Variants in OXNAD1 observed in about 807,000 individuals in gnomAD.
The protein encoded by OXNAD1 is oxidoreductase NAD binding domain containing 1.
Under a neutral mutation model 32.9 loss-of-function variants are expected in OXNAD1, and 34 were observed. The observed-to-expected ratio is 1.03, with a 90% CI of 0.79 to 1.38. OXNAD1 has a LOEUF of 1.38. OXNAD1 is among the 40% of genes most tolerant of loss of function. The pLI is 0.00. For missense variants in OXNAD1, 407 were observed against 379.4 expected (o/e 1.07, Z -0.60); for synonymous variants, 134 against 135.2 (o/e 0.99, Z 0.06).
intron 4 of OXNAD1, among the ~76,000 whole-genome samples, chr3:16,283,184 A>G (rs531625595): frequency 6.6e-6 from 1 of 152,180 alleles, no homozygotes; most frequent in Non-Finnish European, 1.5e-5. Flanking sequence ...AATGGAAATA[A>G]GCTGATTTTG....
At chr3:16,343,279 G>A (rs1209681097) in intron 9 of OXNAD1, among the ~76,000 whole-genome samples, 1 of 152,210 alleles carries the variant, frequency 6.6e-6, no homozygotes, top group East Asian at 1.9e-4. Flanking sequence ...GCATCTGGGA[G>A]TTGACAGTCC....
Position 16,344,610 on chromosome 3 carries a change from C to G in OXNAD1, c.*31-4566C>G, listed in dbSNP as rs1161885874. ...GTGGCCTCCCAGAATCAGGTCTCTT[C>G]AGGTCCACCACCTTCTAGATCACTG... On this transcript the variant is annotated intron_variant, in intron 9 of 9. Coordinates refer to the OXNAD1 transcript ENST00000606098. The surrounding 1 kb of genome is among the most constrained non-coding windows in gnomAD (Gnocchi z 4.4). Among the ~76,000 whole-genome samples the G allele has an allele frequency of 6.6e-6, 1 of 152,126 alleles. No homozygotes were observed. Among genetic ancestry groups the G allele is most frequent in the African/African-American group, 2.4e-5 (1 of 41,420 alleles).
intron 1 of OXNAD1, among the ~76,000 whole-genome samples, chr3:16,268,249 T>C (rs761764426): frequency 2.7e-5 from 4 of 150,914 alleles, no homozygotes; most frequent in African/African-American, 9.7e-5. Flanking sequence ...TATTTACCAG[T>C]AGGTGGCACT....
chr3:16,325,852 T>TCC (rs1350269025), intron 9 of OXNAD1, among the ~76,000 whole-genome samples: 1 of 152,190 alleles, frequency 6.6e-6, no homozygotes, highest in African/African-American at 2.4e-5. Context: ...CCCCATGCTG[T>TCC]CCATCACTCT....
intron 9 of OXNAD1, among the ~76,000 whole-genome samples, chr3:16,311,583 G>C (rs2067985801): frequency 6.6e-6 from 1 of 152,166 alleles, no homozygotes; most frequent in African/African-American, 2.4e-5. Context: ...AAATGCCTTT[G>C]ATAAGGACAG....
At chr3:16,341,187 ACT>A (rs1559837653), downstream of OXNAD1, among the ~76,000 whole-genome samples, 1 of 152,156 alleles carries the variant, frequency 6.6e-6, no homozygotes, top group Non-Finnish European at 1.5e-5. The surrounding 1 kb of genome is among the most constrained non-coding windows in gnomAD (Gnocchi z 4.7). Flanking sequence ...AACAACAGCA[ACT>A]CTCGTTCACT....
At position 16,315,265 on chromosome 3, in the gene OXNAD1, G is replaced by A. The variant is rs534309225; in HGVS notation, c.*30+11673G>A. On this transcript the variant is annotated intron_variant, in intron 9 of 9. Coordinates refer to the OXNAD1 transcript ENST00000435829. ...CGAGTAGCTGAGATTACAAGCACCC[G>A]CCACCACGCCCAGCTAATTTTTGTA... Among the ~76,000 whole-genome samples, 4 of 152,170 alleles carry A rather than the reference G, an allele frequency of 2.6e-5. No homozygotes were observed. In the South Asian group the frequency reaches 6.2e-4, roughly 24 times the overall value.
intron 9 of OXNAD1, chr3:16,326,736 T>C (rs1371258099): frequency 5.5e-6 from 8 of 1,453,086 alleles, no homozygotes; most frequent in Non-Finnish European, 7.7e-6. Flanking sequence ...ACAGAGTAAG[T>C]GTTCAATAGA....
intron 5 of OXNAD1, among the ~76,000 whole-genome samples, chr3:16,292,588 G>A (rs1361942967): frequency 6.6e-6 from 1 of 152,070 alleles, no homozygotes; most frequent in Admixed American, 6.6e-5. Flanking sequence ...TTGGTTTGGG[G>A]TCATATCTAA....
chr3:16,313,202 C>T (rs1050931806), intron 9 of OXNAD1, among the ~76,000 whole-genome samples: 22 of 97,458 alleles, frequency 2.3e-4, no homozygotes, highest in East Asian at 1.0e-3. Context: ...CCACACCCAG[C>T]GGATTTTTTT....
chr3:16,338,289 C>G (rs1171881344), downstream of OXNAD1, among the ~76,000 whole-genome samples: 1 of 152,230 alleles, frequency 6.6e-6, no homozygotes, highest in African/African-American at 2.4e-5. The surrounding 1 kb of genome is among the most constrained non-coding windows in gnomAD (Gnocchi z 5.3). Flanking sequence ...AGGCATGCAA[C>G]CACGCAAGGC....
At position 16,321,033 on chromosome 3, in the gene OXNAD1, C is replaced by T. The variant is rs1032830814; in HGVS notation, c.*31-16079C>T. 8.5e-5 allele frequency among the ~76,000 whole-genome samples: 13 copies of T among 152,058 alleles called. No individual in the cohort carries two copies. The highest frequency in any genetic ancestry group is 3.1e-4 in the African/African-American group (13 of 41,400). On this transcript the variant is annotated intron_variant, in intron 9 of 9. Coordinates refer to the OXNAD1 transcript ENST00000435829. This position sits in a 1 kb window ranked among gnomAD's most constrained non-coding sequence, Gnocchi z 4.8. ...AGAAGTGGAGGGATTCCAGAGCCTC[C>T]GGGACCTAACACAGATGGGTCTTAA... is the stretch of plus-strand genomic sequence containing the variant.
In OXNAD1 at chr3:16,271,074, GA is replaced by G. The variant is rs2064897611; in HGVS notation, c.119+4del. 1 of 1,613,316 alleles carries G rather than the reference GA, an allele frequency of 6.2e-7. No homozygotes were observed. Among genetic ancestry groups the G allele is most frequent in the Admixed American group, 1.7e-5 (1 of 59,842 alleles). On this transcript the variant is annotated splice_donor_region_variant and intron_variant, in intron 3 of 8. Coordinates refer to ENST00000285083, the MANE Select transcript of OXNAD1 (RefSeq NM_138381.5). This position sits in a 1 kb window ranked among gnomAD's most constrained non-coding sequence, Gnocchi z 4.6. ...TTGCGCCACCTTACTCTAACCAGGT[GA>G]GTCATTAAGACTTCTGTGTCATTTG...
rs73818377 is a variant in OXNAD1, at chr3:16,335,796, G to A, written c.*31-1316G>A. ...AACTTTAAAAAAAAAAAAAAAAAAA[G>A]GAGTTTGATCACACCATCAAATATC... is the stretch of plus-strand genomic sequence containing the variant. On this transcript the variant is annotated intron_variant, in intron 9 of 9. Coordinates refer to the OXNAD1 transcript ENST00000435829. The surrounding 1 kb of genome is among the most constrained non-coding windows in gnomAD (Gnocchi z 4.7). Among the ~76,000 whole-genome samples, 2 of 144,402 alleles carry A rather than the reference G, an allele frequency of 1.4e-5. No homozygotes were observed. The highest frequency in any genetic ancestry group is 5.6e-5 in the African/African-American group (2 of 36,036). The allele number at this position is 144,402 out of a possible 152,430, so 94.7% of individuals were successfully genotyped here.
chr3:16,337,370 G>A (rs539606998), downstream of OXNAD1: 1 of 152,294 alleles, frequency 6.6e-6, no homozygotes, highest in Admixed American at 6.5e-5. The surrounding 1 kb of genome is among the most constrained non-coding windows in gnomAD (Gnocchi z 5.0). Flanking sequence ...AAGCTAACTG[G>A]TGTATTACTA....
rs748776322 is a variant in OXNAD1, at chr3:16,271,028, CTG to C, written c.77_78del (p.Leu26GlnfsTer23). ...AGCCATCCGTATTGAGGCTGCGTCA[CTG>C]AGATTGACACTCAGCACTTTGCGCC... The part of the protein sequence containing the change: ...VGAIRIEAAS[L>X]RLTLSTLRHL... On this transcript the variant is annotated frameshift_variant, in exon 3 of 9. Transcript: ENST00000285083. LOFTEE classifies it high-confidence loss of function. This position sits in a 1 kb window ranked among gnomAD's most constrained non-coding sequence, Gnocchi z 4.6. The C allele has an allele frequency of 6.2e-7, 1 of 1,614,206 alleles. No homozygotes were observed. The highest frequency in any genetic ancestry group is 1.3e-5 in the African/African-American group (1 of 75,056).
chr3:16,275,841 G>T, intron 4 of OXNAD1: 1 of 155,468 alleles, frequency 6.4e-6, no homozygotes. Flanking sequence ...ATGATTGGTA[G>T]TTATTTCAAG....
In OXNAD1 at chr3:16,297,842, G is replaced by A. The variant is rs1389137158; in HGVS notation, c.432+2845G>A. 5.3e-5 allele frequency among the ~76,000 whole-genome samples: 8 copies of A among 152,130 alleles called. No individual in the cohort carries two copies. Among genetic ancestry groups the A allele is most frequent in the African/African-American group, 1.2e-4 (5 of 41,412 alleles). ...TTGAGATTACTGTAAAGGTAGGATC[G>A]ATAGCACAGGGGAATATTTTCAGGG... is the stretch of plus-strand genomic sequence containing the variant. On this transcript the variant is annotated intron_variant, in intron 6 of 8. Coordinates refer to ENST00000285083, the MANE Select transcript of OXNAD1 (RefSeq NM_138381.5). This position sits in a 1 kb window ranked among gnomAD's most constrained non-coding sequence, Gnocchi z 4.3.
At position 16,335,667 on chromosome 3, in the gene OXNAD1, G is replaced by A. The variant is rs1261276429; in HGVS notation, c.*31-1445G>A. On this transcript the variant is annotated intron_variant, in intron 9 of 9. Transcript: ENST00000435829. This position sits in a 1 kb window ranked among gnomAD's most constrained non-coding sequence, Gnocchi z 4.7. ...AGAGCATCAGGAAAAATAGCTAATG[G>A]ATGCTGGGCTTCATACCTAGGTGAT... Among the ~76,000 whole-genome samples, 1 of 151,934 alleles carries A rather than the reference G, an allele frequency of 6.6e-6. No individual in the cohort carries two copies. The highest frequency in any genetic ancestry group is 1.5e-5 in the Non-Finnish European group (1 of 68,016).
Sources: gnomAD v4.1 joint callset for allele counts (sites outside exome capture counted in the v4.1 genomes callset) on GRCh38, gnomAD v4.1.1 for gene constraint, Gnocchi (gnomAD v3.1) non-coding constraint, MANE v1.5 for transcripts, NCBI Gene and HGNC (gene_info 2026-07-23, HGNC 2026-07-21) for gene names.